CASP8: variants seen among roughly 807,000 people sequenced by gnomAD.
CASP8 encodes the protein caspase-8.
In CASP8, 24 loss-of-function variants were observed where a neutral mutation model predicts 46.3. The observed-to-expected ratio is 0.52, with a 90% confidence interval of 0.38 to 0.73. CASP8 has a LOEUF of 0.73. Among genes scored for constraint, CASP8 ranks in the 30% least tolerant of loss-of-function variants. The pLI, the probability that CASP8 is intolerant of heterozygous loss-of-function variation, is 0.00. For missense variants in CASP8, 460 were observed against 559.0 expected (o/e 0.82, Z 1.79); for synonymous variants, 188 against 200.4 (o/e 0.94, Z 0.52).
chr2:201,271,694 GA>G, intron 3 of CASP8, 73 bp downstream of exon 3: 2 of 952,358 alleles, frequency 2.1e-6, no homozygotes, highest in Admixed American at 3.4e-5. Flanking sequence ...AGACCAAAGA[GA>G]GGGGTATTTT....
intron 5 of CASP8, 78 bp from the exon 6 acceptor site, chr2:201,274,811 C>T: frequency 3.6e-6 from 4 of 1,098,496 alleles, no homozygotes; most frequent in Non-Finnish European, 5.6e-6. Context: ...TTATGTTGTC[C>T]TATGTGCTAC....
intron 2 of CASP8, among the ~76,000 whole-genome samples, chr2:201,254,876 A>T (rs796754082): frequency 3.2e-4 from 49 of 152,298 alleles, no homozygotes; most frequent in African/African-American, 1.1e-3. Flanking sequence ...CCAGCTCTCC[A>T]TGTCCCTGCA....
chr2:201,273,063 T>C (rs1365818197), intron 5 of CASP8, 121 bp downstream of exon 5: 37 of 798,710 alleles, frequency 4.6e-5, no homozygotes, highest in South Asian at 4.5e-4. Flanking sequence ...TTTTTCTTTT[T>C]TTTTTTTTTT....
chr2:201,283,039 A>G (rs866858906), intron 7 of CASP8, among the ~76,000 whole-genome samples: 10 of 30,132 alleles, frequency 3.3e-4, no homozygotes, highest in East Asian at 1.5e-3. Context: ...CTGGCCGGGC[A>G]GGGGGCTGAC....
At chr2:201,236,133 T>C (rs1170466689) in intron 2 of CASP8, among the ~76,000 whole-genome samples, 1 of 152,176 alleles carries the variant, frequency 6.6e-6, no homozygotes, top group Non-Finnish European at 1.5e-5. Context: ...ATAGTGAACA[T>C]ATATATTACC....
intron 2 of CASP8, among the ~76,000 whole-genome samples, chr2:201,239,313 A>C (rs560261448): frequency 6.6e-6 from 1 of 152,162 alleles, no homozygotes; most frequent in East Asian, 1.9e-4. Context: ...GTGGCCGGGC[A>C]GAGGGGCTCC....
chr2:201,237,462 AAAAGAAAAGAAAAAAGAAAAAGAAAAG>A (rs897535655), intron 2 of CASP8, among the ~76,000 whole-genome samples: 4 of 151,460 alleles, frequency 2.6e-5, no homozygotes, highest in Non-Finnish European at 4.4e-5. Context: ...AAAAAAGGAA[AAAAGAAAAGAAAAAAGAAAAAGAAAAG>A]AAAACATCCA....
intron 1 of CASP8, among the ~76,000 whole-genome samples, chr2:201,262,968 G>A (rs1003259054): frequency 2.6e-5 from 4 of 152,202 alleles, no homozygotes; most frequent in Non-Finnish European, 5.9e-5. Context: ...CAGAGAAGAA[G>A]CCACGTTAGC....
intron 5 of CASP8, among the ~76,000 whole-genome samples, chr2:201,273,643 A>C (rs1349417410): frequency 6.6e-6 from 1 of 152,152 alleles, no homozygotes; most frequent in East Asian, 1.9e-4. Flanking sequence ...GAGAGCTCTC[A>C]ACGATCTCCT....
chr2:201,274,940 A>T lies in CASP8; in HGVS notation c.647A>T (p.Asp216Val). 6.2e-7 allele frequency: 1 copy of T among 1,611,186 alleles called. No homozygotes were observed. Among genetic ancestry groups the T allele is most frequent in the South Asian group, 1.1e-5 (1 of 91,000 alleles). ...ATCTCGGACTCTCCAAGAGAACAGG[A>T]TAGTGAATCACAGGTAGACGGAAAC... ...MTISDSPREQ[D>V]SESQTLDKVY... The change falls in exon 6 of 9, where the codon GAT becomes GTT. Residue 216 changes from aspartate to valine, a missense_variant. Physicochemically the swap from Asp to Val is radical, Grantham distance 152. Transcript: ENST00000673742.
intron 7 of CASP8, among the ~76,000 whole-genome samples, chr2:201,283,892 G>A (rs1949354871): frequency 2.7e-5 from 1 of 36,718 alleles, no homozygotes; most frequent in Admixed American, 1.6e-4. Context: ...CGGGGTGGTT[G>A]CCAGACGGAG....
At chr2:201,261,791 T>C (rs1239329794) in intron 1 of CASP8, among the ~76,000 whole-genome samples, 1 of 152,222 alleles carries the variant, frequency 6.6e-6, no homozygotes, top group Non-Finnish European at 1.5e-5. Context: ...AGGTTTCTGC[T>C]TCCGATGGCA....
At chr2:201,269,510 G>T in intron 2 of CASP8, 1 of 1,611,812 alleles carries the variant, frequency 6.2e-7, no homozygotes, top group Non-Finnish European at 8.5e-7. Flanking sequence ...TCCTTTGAAG[G>T]TTCCACTTCT....
chr2:201,268,624 G>A (rs543770114), intron 2 of CASP8, among the ~76,000 whole-genome samples: 2 of 152,294 alleles, frequency 1.3e-5, no homozygotes, highest in South Asian at 2.1e-4. Context: ...ACACAAACTA[G>A]CAGGTTTAAA....
chr2:201,253,364 A>G (rs1946873557), intron 2 of CASP8, among the ~76,000 whole-genome samples: 1 of 121,774 alleles, frequency 8.2e-6, no homozygotes. Flanking sequence ...TACAGTAGCT[A>G]TGTAGGCCCT....
Position 201,272,526 on chromosome 2 carries a change from G to T in CASP8, c.412-112G>T, listed in dbSNP as rs2125249599. The stretch of plus-strand genomic sequence containing the variant: ...ACCAGCAGAAACTGTCAGAAACTTG[G>T]GAAGCAAGGGCAGGTCCTTGGTTGG... On this transcript the variant is annotated intron_variant, in intron 3 of 8. Transcript: ENST00000673742. This position sits in a 1 kb window ranked among gnomAD's most constrained non-coding sequence, Gnocchi z 4.4. 4 of 1,197,272 alleles carry T rather than the reference G, an allele frequency of 3.3e-6. No individual in the cohort carries two copies. The highest frequency in any genetic ancestry group is 4.9e-6 in the Non-Finnish European group (4 of 824,166). The allele number at this position is 1,197,272 out of a possible 1,614,324, so 74.2% of individuals were successfully genotyped here.
At position 201,272,509 on chromosome 2, in the gene CASP8, A is replaced by G; in HGVS notation, c.412-129A>G. ...CCTGCTGGCTGTGAGAGACCAGCAG[A>G]AACTGTCAGAAACTTGGGAAGCAAG... On this transcript the variant is annotated intron_variant, in intron 3 of 8. Transcript: ENST00000673742. This position sits in a 1 kb window ranked among gnomAD's most constrained non-coding sequence, Gnocchi z 4.4. 1.0e-6 allele frequency: 1 copy of G among 1,002,630 alleles called. No individual in the cohort carries two copies. Among genetic ancestry groups the G allele is most frequent in the East Asian group, 2.4e-5 (1 of 40,856 alleles). 62.1% of individuals were successfully genotyped at this position (1,002,630 alleles called of 1,614,324 possible). A position where few individuals can be genotyped will look rare whatever the true frequency, so the allele number is the denominator to read the frequency against.
intron 2 of CASP8, among the ~76,000 whole-genome samples, chr2:201,252,430 C>T (rs954124157): frequency 2.6e-5 from 4 of 152,156 alleles, no homozygotes; most frequent in African/African-American, 9.7e-5. Context: ...TGTGTGCCAC[C>T]ATGCCCAGCT....
chr2:201,274,828 C>A, intron 5 of CASP8, 61 bp from the exon 6 acceptor site: 1 of 1,257,648 alleles, frequency 8.0e-7, no homozygotes, highest in Non-Finnish European at 1.2e-6. Context: ...CTACATATTT[C>A]ATTACCAGTG....
Sources: gnomAD v4.1 joint callset for allele counts (sites outside exome capture counted in the v4.1 genomes callset) on GRCh38, gnomAD v4.1.1 for gene constraint, Gnocchi (gnomAD v3.1) non-coding constraint, MANE v1.5 for transcripts, NCBI Gene and HGNC (gene_info 2026-07-23, HGNC 2026-07-21) for gene names.